EXD3: variants seen among roughly 807,000 people sequenced by gnomAD.
EXD3 encodes the protein exonuclease mut-7 homolog.
EXD3 carries 92 observed loss-of-function variants against 98.0 expected under a neutral mutation model. The observed-to-expected ratio is 0.94, with a 90% CI of 0.79 to 1.12. The LOEUF is 1.12. Ranked by LOEUF, EXD3 falls within the 50% of genes most tolerant of loss-of-function variation. The probability of loss-of-function intolerance (pLI) is 0.00; values close to 1 mark genes in which losing one functional copy is unlikely to be tolerated. For synonymous variants in EXD3, 569 were observed against 526.0 expected (o/e 1.08, Z -1.12); for missense variants, 1,222 against 1,191.6 (o/e 1.03, Z -0.38).
chr9:137,355,693 G>GGGAGGAAGGAGGAAGGAGGAA (rs773247333), intron 8 of EXD3, among the ~76,000 whole-genome samples: 5 of 40,480 alleles, frequency 1.2e-4, no homozygotes, highest in African/African-American at 2.3e-4. Flanking sequence ...GAAGGAGAAA[G>GGGAGGAAGGAGGAAGGAGGAA]GGAGGAAGGA....
At position 137,417,165 on chromosome 9, in the gene EXD3, G is replaced by C. The variant is rs191098368; in HGVS notation, c.-48+5949C>G. 6.2e-3 allele frequency among the ~76,000 whole-genome samples: 949 copies of C among 152,288 alleles called. 7 individuals carry two copies. Among genetic ancestry groups the C allele is most frequent in the Non-Finnish European group, 9.9e-3 (676 of 68,014 alleles). On this transcript the variant is annotated intron_variant, in intron 1 of 21. Coordinates refer to ENST00000340951, the MANE Select transcript of EXD3 (RefSeq NM_017820.5). ...GAGGGAGGGGCGCCCACCAGACGCC[G>C]GGGGAGAAGTCAGGTGGGCGGTGGG... is the stretch of plus-strand genomic sequence containing the variant.
In EXD3 at chr9:137,307,152, C is replaced by G. The variant is rs28685844; in HGVS notation, c.2429G>C (p.Arg810Pro). 1 of 1,591,080 alleles carries G rather than the reference C, an allele frequency of 6.3e-7. No individual in the cohort carries two copies. The highest frequency in any genetic ancestry group is 8.5e-7 in the Non-Finnish European group (1 of 1,170,046). ...ETPDMLADGT[R>P]LQLAGVPVGV... Reference sequence around the variant, plus strand: ...CACCGGGACCCCTGCCAGCTGCAGCCGGGTGCCGTCGGCCAGCATGTCCGG... The same window carrying G: ...CACCGGGACCCCTGCCAGCTGCAGCGGGGTGCCGTCGGCCAGCATGTCCGG... The change falls in exon 22 of 22, where the codon CGG becomes CCG. Residue 810 changes from arginine (R) to proline (P), a missense_variant. Arg to Pro is a moderately radical substitution (Grantham distance 103). Transcript: ENST00000340951.
chr9:137,375,265 C>T (rs1835841549), intron 3 of EXD3, among the ~76,000 whole-genome samples: 1 of 152,164 alleles, frequency 6.6e-6, no homozygotes, highest in African/African-American at 2.4e-5. Flanking sequence ...TCTCGGCCTC[C>T]CAAAGTGCTG....
At chr9:137,411,146 C>G (rs902586654) in intron 1 of EXD3, among the ~76,000 whole-genome samples, 5 of 152,288 alleles carry the variant, frequency 3.3e-5, no homozygotes, top group African/African-American at 9.6e-5. Context: ...CGAGGCCGGC[C>G]CCCCGGGTGG....
At position 137,399,304 on chromosome 9, in the gene EXD3, G is replaced by A. The variant is rs150342416; in HGVS notation, c.-47-3900C>T. On this transcript the variant is annotated intron_variant, in intron 1 of 21. Coordinates refer to ENST00000340951, the MANE Select transcript of EXD3 (RefSeq NM_017820.5). ...ACGGACATGGTGTGGTCCCCTGGGGGCTCCGTGGCCACCCTTCTGCATGTG... is the reference window on the plus strand; with the variant it reads ...ACGGACATGGTGTGGTCCCCTGGGGACTCCGTGGCCACCCTTCTGCATGTG... Among the ~76,000 whole-genome samples, 131 of 152,350 alleles carry A rather than the reference G, an allele frequency of 8.6e-4. No individual in the cohort carries two copies. In the Middle Eastern group the frequency reaches 0.024, roughly 28 times the overall value.
At position 137,323,852 on chromosome 9, in the gene EXD3, C is replaced by T. The variant is rs771592009; in HGVS notation, c.2057G>A (p.Arg686Gln). The T allele has an allele frequency of 7.7e-5, 124 of 1,610,204 alleles. No homozygotes were observed. Among genetic ancestry groups the T allele is most frequent in the East Asian group, 1.1e-4 (5 of 44,820 alleles). Reference sequence around the variant, plus strand: ...GCAGCGCCCAGCCCCGACCTGGGCCCGGAGCTGCAAAGACACGGCTCGGCT... The same window carrying T: ...GCAGCGCCCAGCCCCGACCTGGGCCTGGAGCTGCAAAGACACGGCTCGGCT... ...LTSGQPFHKL[R>Q]AQVGAGRCLS... Residue 686 changes from arginine to glutamine, a missense_variant, in exon 19 of 22, where the codon CGG (arginine) becomes CAG (glutamine). Arg to Gln is a conservative substitution (Grantham distance 43). Transcript: ENST00000340951.
chr9:137,392,807 G>C lies in EXD3; in HGVS notation c.55+2496C>G, dbSNP rs1318495565. 1.8e-5 allele frequency: 6 copies of C among 341,556 alleles called. No homozygotes were observed. In the East Asian group the frequency reaches 4.7e-4, roughly 27 times the overall value. The allele number at this position is 341,556 out of a possible 1,614,324, so 21.2% of individuals were successfully genotyped here. On this transcript the variant is annotated intron_variant, in intron 2 of 21. Coordinates refer to ENST00000340951, the MANE Select transcript of EXD3 (RefSeq NM_017820.5). ...CCAGGGGGCATCGAGGCTGTTCTGT[G>C]GGGGGGCGCCGTGTCTGTTCCAGGG...
chr9:137,418,671 G>A (rs186649132), intron 1 of EXD3, among the ~76,000 whole-genome samples: 5 of 152,156 alleles, frequency 3.3e-5, no homozygotes, highest in African/African-American at 9.6e-5. Flanking sequence ...AATTCTGTAC[G>A]TGAGATGTAT....
chr9:137,348,918 C>T (rs1027953071), intron 16 of EXD3, among the ~76,000 whole-genome samples, 192 bp downstream of exon 16: 6 of 152,002 alleles, frequency 3.9e-5, no homozygotes, highest in Admixed American at 3.9e-4. Flanking sequence ...AGTGACCCCC[C>T]AGGCAAGCGC....
At chr9:137,382,637 G>A (rs1188065707) in intron 3 of EXD3, among the ~76,000 whole-genome samples, 1 of 152,192 alleles carries the variant, frequency 6.6e-6, no homozygotes, top group Non-Finnish European at 1.5e-5. Context: ...GGCAGCGCCA[G>A]GGCTGGGGTC....
intron 17 of EXD3, among the ~76,000 whole-genome samples, chr9:137,332,153 C>T (rs1465195039): frequency 1.3e-5 from 2 of 152,166 alleles, no homozygotes; most frequent in African/African-American, 2.4e-5. Flanking sequence ...TGTGAAATAA[C>T]CAAACTGCCC....
At chr9:137,399,731 C>T (rs1392946039) in intron 1 of EXD3, among the ~76,000 whole-genome samples, 2 of 152,136 alleles carry the variant, frequency 1.3e-5, no homozygotes, top group Non-Finnish European at 2.9e-5. Context: ...GCGCTTCTTA[C>T]ATGGTGGTGG....
intron 1 of EXD3, among the ~76,000 whole-genome samples, chr9:137,401,494 T>C (rs185369656): frequency 2.6e-5 from 4 of 152,290 alleles, no homozygotes; most frequent in African/African-American, 9.6e-5. Flanking sequence ...GCAGAGGTTC[T>C]CCATGAGGGC....
chr9:137,384,190 G>C (rs553982160), intron 2 of EXD3, among the ~76,000 whole-genome samples: 6 of 152,218 alleles, frequency 3.9e-5, no homozygotes, highest in Non-Finnish European at 7.3e-5. Flanking sequence ...GACGGGAACA[G>C]GGAAGGCCCC....
At chr9:137,316,797 T>C (rs756831267) in intron 19 of EXD3, among the ~76,000 whole-genome samples, 1 of 151,908 alleles carries the variant, frequency 6.6e-6, no homozygotes, top group Non-Finnish European at 1.5e-5. Context: ...CCGCGTGGGC[T>C]GCTGGAGCCT....
intron 10 of EXD3, chr9:137,353,477 G>A (rs1224439706): frequency 2.0e-6 from 2 of 985,240 alleles, no homozygotes; most frequent in East Asian, 1.1e-4. Flanking sequence ...CAGGGCTCAG[G>A]AGGCTATTGG....
chr9:137,396,641 CACA>C (rs1179101958), intron 1 of EXD3, among the ~76,000 whole-genome samples: 1 of 152,202 alleles, frequency 6.6e-6, no homozygotes, highest in Non-Finnish European at 1.5e-5. Flanking sequence ...CCCCTAAACA[CACA>C]ACAACACAAC....
At position 137,383,374 on chromosome 9, in the gene EXD3, C is replaced by T. The variant is rs13291830; in HGVS notation, c.59G>A (p.Arg20Gln). 884,072 of 1,544,610 alleles carry T rather than the reference C, an allele frequency of 0.57. 257,927 individuals carry two copies. Among genetic ancestry groups the T allele is most frequent in the African/African-American group, 0.76 (55,432 of 73,016 alleles). Residue 20 changes from arginine to glutamine, a missense_variant, in exon 3 of 22, where the codon CGG becomes CAG. Arg to Gln is a conservative substitution (Grantham distance 43, BLOSUM62 1). Transcript: ENST00000340951. The part of the protein sequence containing the change: ...PAAGERHRMG[R>Q]DPLLLLQALQ... Reference sequence around the variant, plus strand: ...GGCCTGCAGGAGCAGGAGGGGGTCCCGGCCTGTGGAGATAAGATAACAGCC... The same window carrying T: ...GGCCTGCAGGAGCAGGAGGGGGTCCTGGCCTGTGGAGATAAGATAACAGCC...
In EXD3 at chr9:137,373,011, G is replaced by T. The variant is rs377286131; in HGVS notation, c.356C>A (p.Pro119His). ...GCTGGCCAGTGGTGCCGCAAGGCTGGGGGGGCTCTCAGTGAGGACTTTGAC... is the reference window on the plus strand; with the variant it reads ...GCTGGCCAGTGGTGCCGCAAGGCTGTGGGGGCTCTCAGTGAGGACTTTGAC... ...RAVKVLTESP[P>H]SLAAPLASIF... is the part of the protein sequence containing the mutation. The change falls in exon 5 of 22, where the codon CCC becomes CAC. Residue 119 changes from proline (P) to histidine (H), a missense_variant. Transcript: ENST00000340951. 4.4e-6 allele frequency: 7 copies of T among 1,605,288 alleles called. No homozygotes were observed. The highest frequency in any genetic ancestry group is 2.2e-5 in the East Asian group (1 of 44,864).
Sources: gnomAD v4.1 joint callset for allele counts (sites outside exome capture counted in the v4.1 genomes callset) on GRCh38, gnomAD v4.1.1 for gene constraint, MANE v1.5 for transcripts, NCBI Gene and HGNC (gene_info 2026-07-23, HGNC 2026-07-21) for gene names.